NHSL2: variants seen among roughly 807,000 people sequenced by gnomAD.
The protein encoded by NHSL2 is NHS like 2.
In NHSL2, 27 loss-of-function variants were observed where a neutral mutation model predicts 53.4. The observed-to-expected ratio is 0.51, with a 90% CI of 0.37 to 0.70. The LOEUF (loss-of-function observed/expected upper bound fraction) is 0.70. NHSL2 is among the 30% of genes least tolerant of loss of function. The pLI, the probability that NHSL2 is intolerant of heterozygous loss-of-function variation, is 0.00. For missense variants in NHSL2, 892 were observed against 980.1 expected (o/e 0.91, Z 1.20); for synonymous variants, 408 against 404.1 (o/e 1.01, Z -0.12).
chrX:71,981,536 C>CAAAAAAAAAAAAAA (rs140961615), intron 1 of NHSL2, among the ~76,000 whole-genome samples: 1 of 66,643 alleles, frequency 1.5e-5, no homozygotes. Context: ...GACTCTGTCT[C>CAAAAAAAAAAAAAA]AAAAAAAAAA....
intron 1 of NHSL2, among the ~76,000 whole-genome samples, chrX:72,048,474 C>T (rs758038524): frequency 9.1e-6 from 1 of 110,235 alleles, no homozygotes; most frequent in African/African-American, 3.3e-5. Context: ...ACCACTTTCT[C>T]GGAATTCAAG....
At chrX:72,005,821 G>A (rs1312328981) in intron 1 of NHSL2, among the ~76,000 whole-genome samples, 3 of 112,039 alleles carry the variant, frequency 2.7e-5, no homozygotes, top group East Asian at 5.6e-4. Flanking sequence ...GGCAGGCATC[G>A]AGATGGCAAT....
chrX:72,091,086 A>T (rs993504647), intron 1 of NHSL2, among the ~76,000 whole-genome samples: 21 of 111,928 alleles, frequency 1.9e-4, no homozygotes, highest in African/African-American at 6.8e-4. Context: ...TTCTTTGTTC[A>T]TGTATCTTCA....
At position 72,137,142 on chromosome X, in the gene NHSL2, CAG is replaced by C; in HGVS notation, c.813_814del (p.Glu271AspfsTer20). 1 of 1,164,654 alleles carries C rather than the reference CAG, an allele frequency of 8.6e-7. No individual in the cohort carries two copies. Among genetic ancestry groups the C allele is most frequent in the Non-Finnish European group, 1.1e-6 (1 of 869,962 alleles). On this transcript the variant is annotated frameshift_variant, in exon 5 of 8. Coordinates refer to ENST00000633930, the MANE Select transcript of NHSL2 (RefSeq NM_001013627.3). LOFTEE classifies it high-confidence loss of function. ...AGTTTGCGACACTCGTTGTTTAACA[CAG>C]AGACAGCCGTGAACCCCAAGTCCAC...
intron 1 of NHSL2, among the ~76,000 whole-genome samples, chrX:71,983,770 C>T (rs1193591449): frequency 8.9e-6 from 1 of 112,141 alleles, no homozygotes; most frequent in Admixed American, 9.4e-5. Flanking sequence ...TATAGGGTAA[C>T]TTCCTGATGT....
intron 1 of NHSL2, chrX:72,069,719 G>GGA: frequency 1.1e-6 from 1 of 936,042 alleles, no homozygotes; most frequent in Non-Finnish European, 1.3e-6. Context: ...AGCAACCGAG[G>GGA]AGTAAAAGCC....
intron 1 of NHSL2, chrX:72,127,634 C>T (rs1478903340): frequency 8.9e-6 from 1 of 112,495 alleles, no homozygotes; most frequent in East Asian, 2.8e-4. Context: ...TCCACTGCCT[C>T]GAAGAATAGC....
intron 1 of NHSL2, among the ~76,000 whole-genome samples, chrX:72,107,155 G>A (rs936748647): frequency 3.6e-5 from 4 of 110,600 alleles, no homozygotes; most frequent in African/African-American, 1.3e-4. Context: ...CGGGCGCGGT[G>A]GCTCATGCCT....
intron 1 of NHSL2, among the ~76,000 whole-genome samples, chrX:71,977,808 C>T: frequency 8.9e-6 from 1 of 112,037 alleles, no homozygotes. Flanking sequence ...GCTCCAGACA[C>T]CTCATTAGGA....
At chrX:72,087,911 C>A (rs2041863850) in intron 1 of NHSL2, among the ~76,000 whole-genome samples, 2 of 109,006 alleles carry the variant, frequency 1.8e-5, no homozygotes, top group South Asian at 7.9e-4. Context: ...GGATACAAAA[C>A]TGGTTAGTTC....
intron 1 of NHSL2, among the ~76,000 whole-genome samples, chrX:72,119,080 T>C (rs903313621): frequency 2.7e-5 from 3 of 112,124 alleles, no homozygotes; most frequent in African/African-American, 9.7e-5. Flanking sequence ...CCATCAGCCA[T>C]ATATGTATGG....
In NHSL2 at chrX:72,150,399, C is replaced by T. The variant is rs1362106511; in HGVS notation, c.*6825C>T. On this transcript the variant is annotated 3_prime_UTR_variant, in exon 8 of 8. Coordinates refer to ENST00000633930, the MANE Select transcript of NHSL2 (RefSeq NM_001013627.3). ...GTGTTTATTTAAAAGTAGGGTACAACCCAACCAATATTAGCTTTCCCAGAG... is the reference window on the plus strand; with the variant it reads ...GTGTTTATTTAAAAGTAGGGTACAATCCAACCAATATTAGCTTTCCCAGAG... The T allele has an allele frequency of 8.9e-6, 1 of 111,990 alleles. No homozygotes were observed. Among genetic ancestry groups the T allele is most frequent in the Non-Finnish European group, 1.9e-5 (1 of 53,199 alleles). The allele number at this position is 111,990 out of a possible 1,213,427, so 9.2% of individuals were successfully genotyped here. A position where few individuals can be genotyped will look rare whatever the true frequency, so the allele number is the denominator to read the frequency against.
chrX:71,968,456 G>A (rs1298034220), intron 1 of NHSL2, among the ~76,000 whole-genome samples: 1 of 112,108 alleles, frequency 8.9e-6, no homozygotes, highest in Non-Finnish European at 1.9e-5. Flanking sequence ...TATGAATAAT[G>A]CTGCAATAAA....
intron 1 of NHSL2, among the ~76,000 whole-genome samples, chrX:72,085,486 G>C (rs991111194): frequency 3.6e-5 from 4 of 111,375 alleles, no homozygotes; most frequent in African/African-American, 1.3e-4. Context: ...TTCATCCATT[G>C]CACTCATCTG....
Position 72,153,069 on chromosome X carries a change from G to C in NHSL2, c.*9495G>C, listed in dbSNP as rs2147547748. 1 of 111,923 alleles carries C rather than the reference G, an allele frequency of 8.9e-6. No homozygotes were observed. The highest frequency in any genetic ancestry group is 1.9e-5 in the Non-Finnish European group (1 of 53,178). 9.2% of individuals were successfully genotyped at this position (111,923 alleles called of 1,213,427 possible). ...TGTGTCCCTAACATTTCAAGAAGAAGCAGAAAGTAGGAGAGATCACGATCT... is the reference window on the plus strand; with the variant it reads ...TGTGTCCCTAACATTTCAAGAAGAACCAGAAAGTAGGAGAGATCACGATCT... On this transcript the variant is annotated 3_prime_UTR_variant, in exon 8 of 8. Coordinates refer to ENST00000633930, the MANE Select transcript of NHSL2 (RefSeq NM_001013627.3).
intron 1 of NHSL2, among the ~76,000 whole-genome samples, chrX:71,939,352 A>G (rs948485521): frequency 8.9e-6 from 1 of 112,311 alleles, no homozygotes; most frequent in African/African-American, 3.2e-5. Context: ...GCTTTTCAGA[A>G]ACATCACTGT....
At chrX:72,038,289 G>A (rs1027082454) in intron 1 of NHSL2, among the ~76,000 whole-genome samples, 5 of 112,264 alleles carry the variant, frequency 4.5e-5, no homozygotes, top group Admixed American at 1.9e-4. Context: ...AAAAGGTTGA[G>A]GCAGGGCAGC....
chrX:72,099,426 T>C (rs938672980), intron 1 of NHSL2, among the ~76,000 whole-genome samples: 33 of 98,531 alleles, frequency 3.3e-4, no homozygotes, highest in African/African-American at 1.1e-3. Flanking sequence ...AGTGCAGTGG[T>C]GCATTCTCGG....
intron 1 of NHSL2, among the ~76,000 whole-genome samples, chrX:71,930,270 C>T (rs2041706271): frequency 8.9e-6 from 1 of 112,395 alleles, no homozygotes; most frequent in South Asian, 3.7e-4. Flanking sequence ...TTATTCCTGC[C>T]TCAGGATCCT....
Sources: gnomAD v4.1 joint callset for allele counts (sites outside exome capture counted in the v4.1 genomes callset) on GRCh38, gnomAD v4.1.1 for gene constraint, MANE v1.5 for transcripts, NCBI Gene and HGNC (gene_info 2026-07-23, HGNC 2026-07-21) for gene names.